The following FBXW10 variants were observed in gnomAD, a reference collection of about 807,000 sequenced individuals.
FBXW10 encodes F-box and WD repeat domain containing 10, also known as F-box/WD repeat-containing protein 10.
A neutral mutation model predicts 113.1 loss-of-function variants in FBXW10; 68 were observed. The observed-to-expected ratio is 0.60, with a 90% confidence interval of 0.49 to 0.74. The LOEUF (loss-of-function observed/expected upper bound fraction) is 0.74. Among genes scored for constraint, FBXW10 ranks in the 30% least tolerant of loss-of-function variants. The pLI, the probability that FBXW10 is intolerant of heterozygous loss-of-function variation, is 0.00. For missense variants in FBXW10, 753 were observed against 1,284.5 expected (o/e 0.59, Z 6.32); for synonymous variants, 289 against 481.6 (o/e 0.60, Z 5.24).
intron 5 of FBXW10, among the ~76,000 whole-genome samples, chr17:18,751,745 G>A (rs1402267530): frequency 1.3e-5 from 2 of 152,194 alleles, no homozygotes; most frequent in Non-Finnish European, 2.9e-5. Context: ...ATTTGAGGAG[G>A]ACCCGAGGGG....
intron 7 of FBXW10, among the ~76,000 whole-genome samples, chr17:18,759,620 T>TG (rs1427156378): frequency 9.6e-5 from 6 of 62,238 alleles, no homozygotes; most frequent in Non-Finnish European, 1.3e-4. Context: ...TAGTTTTTTG[T>TG]TTTTTTTTTT....
intron 12 of FBXW10, 54 bp from the exon 13 acceptor site, chr17:18,775,082 A>C: frequency 8.8e-7 from 1 of 1,132,058 alleles, no homozygotes; most frequent in Non-Finnish European, 1.3e-6. Context: ...ATATTATTTT[A>C]TGCCCTAATC....
At chr17:18,756,628 T>C (rs1276803047) in intron 6 of FBXW10, among the ~76,000 whole-genome samples, 1 of 151,998 alleles carries the variant, frequency 6.6e-6, no homozygotes, top group Non-Finnish European at 1.5e-5. Context: ...GAAGTGGTGT[T>C]ATATTACACA....
intron 6 of FBXW10, among the ~76,000 whole-genome samples, chr17:18,757,174 A>G (rs2035283517): frequency 6.6e-6 from 1 of 152,214 alleles, no homozygotes; most frequent in Non-Finnish European, 1.5e-5. Flanking sequence ...AAGAACAATT[A>G]TCACCATACT....
chr17:18,761,906 C>T (rs1340419891), intron 7 of FBXW10, among the ~76,000 whole-genome samples: 1 of 152,044 alleles, frequency 6.6e-6, no homozygotes, highest in Admixed American at 6.6e-5. Context: ...GGCATCCTTG[C>T]CAAACTCTCT....
At chr17:18,754,311 A>G (rs762063548) in intron 5 of FBXW10, among the ~76,000 whole-genome samples, 94 of 152,000 alleles carry the variant, frequency 6.2e-4, no homozygotes, top group Middle Eastern at 3.4e-3. Context: ...AATCCAGGGC[A>G]GCATTATTTA....
chr17:18,773,110 T>A (rs1384093072), intron 12 of FBXW10, among the ~76,000 whole-genome samples: 1 of 151,956 alleles, frequency 6.6e-6, no homozygotes, highest in African/African-American at 2.4e-5. Context: ...GTATTTTTTT[T>A]TTAGTAGAGA....
intron 9 of FBXW10, among the ~76,000 whole-genome samples, chr17:18,768,026 T>TTTCTTCCTTC (rs2035532886): frequency 1.5e-5 from 2 of 135,680 alleles, no homozygotes; most frequent in Non-Finnish European, 3.1e-5. Context: ...TTCCTTCCTT[T>TTTCTTCCTTC]CTTCCTTCCT....
At chr17:18,772,303 C>T (rs1366808485) in intron 11 of FBXW10, 109 bp from the exon 12 acceptor site, 5 of 1,057,142 alleles carry the variant, frequency 4.7e-6, no homozygotes, top group Admixed American at 2.1e-5. Context: ...TTGGTCATCA[C>T]CTGGGCACTG....
In FBXW10 at chr17:18,778,765, C is replaced by T. The variant is rs1405060449; in HGVS notation, c.2626C>T (p.Pro876Ser). 6.2e-7 allele frequency: 1 copy of T among 1,613,634 alleles called. No individual in the cohort carries two copies. Among genetic ancestry groups the T allele is most frequent in the Non-Finnish European group, 8.5e-7 (1 of 1,179,808 alleles). ...TGATCGGTTGAGATTGAGCAATCCT[C>T]CTATAGATGTGAAACGAACCAGTAT... The part of the protein sequence containing the change: ...AVDRLRLSNP[P>S]IDVKRTSIPL... The change falls in exon 14 of 14, where the codon CCT becomes TCT. Residue 876 changes from proline to serine, a missense_variant. Transcript: ENST00000395665.
chr17:18,770,562 A>G (rs2151826998), intron 11 of FBXW10, among the ~76,000 whole-genome samples: 1 of 152,032 alleles, frequency 6.6e-6, no homozygotes, highest in East Asian at 1.9e-4. Flanking sequence ...ACGGCCTTCC[A>G]AAGCGCTGGG....
intron 13 of FBXW10, among the ~76,000 whole-genome samples, chr17:18,776,575 G>A (rs1454736903): frequency 6.6e-6 from 1 of 152,178 alleles, no homozygotes; most frequent in African/African-American, 2.4e-5. Context: ...ATACCTGAAG[G>A]GTAAAGTCCT....
intron 1 of FBXW10, among the ~76,000 whole-genome samples, chr17:18,746,665 A>AATATTTAC (rs1202358978): frequency 6.6e-6 from 1 of 152,186 alleles, no homozygotes; most frequent in African/African-American, 2.4e-5. Flanking sequence ...TAATATCCTT[A>AATATTTAC]ATATTTACAT....
At chr17:18,753,468 G>A (rs955565394) in intron 5 of FBXW10, among the ~76,000 whole-genome samples, 16 of 152,192 alleles carry the variant, frequency 1.1e-4, no homozygotes, top group African/African-American at 3.9e-4. Context: ...AAGAGAGTGC[G>A]GCTTCTAATG....
chr17:18,745,025 A>G, intron 1 of FBXW10: 1 of 1,334,688 alleles, frequency 7.5e-7, no homozygotes, highest in Non-Finnish European at 9.6e-7. Context: ...TCTGCATCTC[A>G]TAGGCCCAGA....
intron 9 of FBXW10, among the ~76,000 whole-genome samples, chr17:18,768,055 T>TTCCTTCCTTCC (rs1244201725): frequency 1.0e-3 from 69 of 68,836 alleles, no homozygotes; most frequent in South Asian, 2.8e-3. Context: ...TCCTTCCTTC[T>TTCCTTCCTTCC]TTCTTTCTTT....
rs965011265 is a variant in FBXW10 at position 18,744,578 on chromosome 17, A to T, written c.334A>T (p.Lys112Ter). The change falls in exon 1 of 14, where the codon AAA (lysine) becomes TAA (stop). Residue 112 changes from lysine to a stop codon, truncating the protein, a stop_gained. Transcript: ENST00000395665. LOFTEE classifies it high-confidence loss of function. The stretch of plus-strand genomic sequence containing the variant: ...GTCCTCCTTGAACCAAATGTTGGAT[A>T]AAACAGTAGAACAGAAGATGAAAGA... ...VKSSLNQMLD[K>*]TVEQKMKEIL... 6.2e-7 allele frequency: 1 copy of T among 1,613,922 alleles called. No individual in the cohort carries two copies. The highest frequency in any genetic ancestry group is 8.5e-7 in the Non-Finnish European group (1 of 1,179,890).
chr17:18,767,773 A>T (rs1231101590), intron 9 of FBXW10, among the ~76,000 whole-genome samples: 1 of 152,058 alleles, frequency 6.6e-6, no homozygotes, highest in Non-Finnish European at 1.5e-5. Flanking sequence ...GGGATGGCCC[A>T]TGTGCACTCT....
chr17:18,748,377 C>T (rs1228749208), intron 2 of FBXW10, among the ~76,000 whole-genome samples: 1 of 136,996 alleles, frequency 7.3e-6, no homozygotes, highest in Non-Finnish European at 1.5e-5. Flanking sequence ...TGCCACTGCA[C>T]TCCAGCCTGG....
Sources: allele counts gnomAD v4.1 joint callset (sites outside exome capture counted in the v4.1 genomes callset), GRCh38; gene constraint gnomAD v4.1.1; transcripts MANE v1.5; gene names NCBI Gene and HGNC (gene_info 2026-07-23, HGNC 2026-07-21).